PIK3C2A: variants seen among roughly 807,000 people sequenced by gnomAD.
PIK3C2A encodes the protein phosphatidylinositol 4-phosphate 3-kinase C2 domain-containing subunit alpha.
A neutral mutation model predicts 204.5 loss-of-function variants in PIK3C2A; 97 were observed. The ratio of observed to expected loss-of-function variants is 0.47; its 90% confidence interval spans 0.40 to 0.56. The LOEUF (loss-of-function observed/expected upper bound fraction) is 0.56. Among genes scored for constraint, PIK3C2A ranks in the 20% least tolerant of loss-of-function variants. The pLI is 0.00. For missense variants in PIK3C2A, 1,735 were observed against 1,969.2 expected (o/e 0.88, Z 2.25); for synonymous variants, 653 against 664.4 (o/e 0.98, Z 0.26).
At chr11:17,114,240 T>C in intron 20 of PIK3C2A, 121 bp downstream of exon 20, 1 of 556,454 alleles carries the variant, frequency 1.8e-6, no homozygotes, top group Non-Finnish European at 3.3e-6. Flanking sequence ...ATCACAACCA[T>C]CCATGCTTAT....
At chr11:17,148,910 A>G in intron 4 of PIK3C2A, 123 bp from the exon 5 acceptor site, 2 of 643,634 alleles carry the variant, frequency 3.1e-6, no homozygotes, top group Non-Finnish European at 4.7e-6. Flanking sequence ...TGTAGGCCAC[A>G]TATATAATTT....
intron 18 of PIK3C2A, among the ~76,000 whole-genome samples, chr11:17,118,343 G>T (rs749890137): frequency 3.9e-5 from 6 of 152,134 alleles, no homozygotes; most frequent in Non-Finnish European, 8.8e-5. Context: ...AAAGTGCTGG[G>T]ATTACAAGCA....
rs541641928 is a variant in PIK3C2A at position 17,150,624 on chromosome 11, G to A, written c.1201C>T (p.Arg401Cys). 9.3e-6 allele frequency: 15 copies of A among 1,605,338 alleles called. No individual in the cohort carries two copies. The highest frequency in any genetic ancestry group is 4.0e-5 in the African/African-American group (3 of 74,270). The change falls in exon 4 of 33, where the codon CGC becomes TGC. Residue 401 changes from arginine to cysteine, a missense_variant. Coordinates refer to ENST00000691414, the MANE Select transcript of PIK3C2A (RefSeq NM_002645.4). ...LKTKFPYTNH[R>C]TNPGYLLSPV... ...CTTAACAAATAGCCTGGGTTTGTGCGGTGATTGGTATATGGAAATTTGGTC... is the reference window on the plus strand; with the variant it reads ...CTTAACAAATAGCCTGGGTTTGTGCAGTGATTGGTATATGGAAATTTGGTC...
At chr11:17,205,907 G>A (rs898077925) in intron 1 of PIK3C2A, among the ~76,000 whole-genome samples, 1 of 152,192 alleles carries the variant, frequency 6.6e-6, no homozygotes, top group Non-Finnish European at 1.5e-5. Flanking sequence ...GATCACTTGA[G>A]GTCAGGAGTT....
intron 8 of PIK3C2A, chr11:17,138,395 A>G: frequency 2.7e-6 from 1 of 372,298 alleles, no homozygotes; most frequent in African/African-American, 2.1e-5. Flanking sequence ...CTGCACCCTC[A>G]TGCTATGTTC....
chr11:17,125,028 T>G (rs966406286), intron 13 of PIK3C2A, among the ~76,000 whole-genome samples: 10 of 152,208 alleles, frequency 6.6e-5, no homozygotes, highest in African/African-American at 2.4e-4. Flanking sequence ...TTCTATCAAA[T>G]TAAAAGGTAC....
chr11:17,088,756 A>G lies in PIK3C2A; in HGVS notation c.*982T>C, dbSNP rs975838896. 2.6e-5 allele frequency: 4 copies of G among 152,232 alleles called. No homozygotes were observed. The highest frequency in any genetic ancestry group is 5.9e-5 in the Non-Finnish European group (4 of 68,042). 9.4% of individuals were successfully genotyped at this position (152,232 alleles called of 1,614,324 possible). On this transcript the variant is annotated 3_prime_UTR_variant, in exon 33 of 33. Transcript: ENST00000691414. ...AATTCTTGTCATGGGCCTCTTGTGA[A>G]GAGTCTGCCCTACTCAGGAATGGGC...
chr11:17,142,641 C>A (rs570819286), intron 8 of PIK3C2A, among the ~76,000 whole-genome samples: 2 of 150,870 alleles, frequency 1.3e-5, no homozygotes, highest in African/African-American at 4.9e-5. Flanking sequence ...ACAGAGAAAT[C>A]TGCAGGGGGT....
intron 8 of PIK3C2A, among the ~76,000 whole-genome samples, chr11:17,144,095 C>G (rs553086098): frequency 6.6e-6 from 1 of 152,234 alleles, no homozygotes; most frequent in African/African-American, 2.4e-5. Flanking sequence ...AATCACATAG[C>G]TATCTCCAAT....
chr11:17,198,403 C>A (rs1179823155), intron 1 of PIK3C2A, among the ~76,000 whole-genome samples: 1 of 152,098 alleles, frequency 6.6e-6, no homozygotes. Flanking sequence ...AGCCACACTG[C>A]CAGGCCAACT....
At chr11:17,133,150 G>A (rs1849754283) in intron 11 of PIK3C2A, among the ~76,000 whole-genome samples, 1 of 151,974 alleles carries the variant, frequency 6.6e-6, no homozygotes. Context: ...ATTTATGTCA[G>A]CATTTTATTC....
At chr11:17,110,834 T>C (rs1775960231) in intron 21 of PIK3C2A, among the ~76,000 whole-genome samples, 1 of 152,210 alleles carries the variant, frequency 6.6e-6, no homozygotes, top group African/African-American at 2.4e-5. Flanking sequence ...CCTCTTCATA[T>C]CTCAGTTCCC....
intron 1 of PIK3C2A, among the ~76,000 whole-genome samples, chr11:17,178,092 CAAAAAAAAAAA>C (rs750346823): frequency 3.1e-5 from 2 of 64,136 alleles, no homozygotes; most frequent in African/African-American, 9.7e-5. Context: ...GACTCCATCT[CAAAAAAAAAAA>C]AAAAAAAAAG....
At chr11:17,194,782 G>A (rs1208096562) in intron 1 of PIK3C2A, among the ~76,000 whole-genome samples, 2 of 152,058 alleles carry the variant, frequency 1.3e-5, no homozygotes, top group Non-Finnish European at 2.9e-5. Flanking sequence ...GGTGGCACAT[G>A]CCTGTTATCC....
intron 8 of PIK3C2A, among the ~76,000 whole-genome samples, chr11:17,143,104 C>T (rs1169573505): frequency 6.6e-6 from 1 of 151,766 alleles, no homozygotes; most frequent in East Asian, 1.9e-4. Flanking sequence ...ATACGAAACT[C>T]CAGATTCTAG....
At chr11:17,132,390 C>T (rs906055785) in intron 11 of PIK3C2A, among the ~76,000 whole-genome samples, 2 of 141,382 alleles carry the variant, frequency 1.4e-5, no homozygotes, top group African/African-American at 2.7e-5. Flanking sequence ...ACTGCAGTGG[C>T]GCAATCTCGG....
intron 3 of PIK3C2A, among the ~76,000 whole-genome samples, chr11:17,154,982 T>C (rs1282705880): frequency 6.6e-6 from 1 of 152,246 alleles, no homozygotes; most frequent in African/African-American, 2.4e-5. Flanking sequence ...TTGGTTCTAC[T>C]ACTGATATTA....
rs1200334066 is a variant in PIK3C2A at position 17,119,971 on chromosome 11, A to G, written c.2661T>C (p.Leu887=). 1 of 1,435,694 alleles carries G rather than the reference A, an allele frequency of 7.0e-7. No homozygotes were observed. Among genetic ancestry groups the G allele is most frequent in the Non-Finnish European group, 9.7e-7 (1 of 1,029,436 alleles). The allele number at this position is 1,435,694 out of a possible 1,614,324, so 88.9% of individuals were successfully genotyped here. A position where few individuals can be genotyped will look rare whatever the true frequency, so the allele number is the denominator to read the frequency against. Residue 887 remains leucine (L), a synonymous_variant, in exon 16 of 33, where the codon CTT becomes CTC. Coordinates refer to ENST00000691414, the MANE Select transcript of PIK3C2A (RefSeq NM_002645.4). The part of the protein sequence containing the change: ...DILHKDSSLG[L]SKEDKAFLWE... Reference sequence around the variant, plus strand: ...ATAAAAAAGCTTTATCTTCTTTAGAAAGTCTGCATATATAATAGAATTAAA... The same window carrying G: ...ATAAAAAAGCTTTATCTTCTTTAGAGAGTCTGCATATATAATAGAATTAAA...
At chr11:17,200,866 G>C (rs1852346066) in intron 1 of PIK3C2A, among the ~76,000 whole-genome samples, 1 of 152,204 alleles carries the variant, frequency 6.6e-6, no homozygotes, top group Non-Finnish European at 1.5e-5. Flanking sequence ...AATACACACA[G>C]AATTCTAGCC....
Sources: allele counts gnomAD v4.1 joint callset (sites outside exome capture counted in the v4.1 genomes callset), GRCh38; gene constraint gnomAD v4.1.1; transcripts MANE v1.5; gene names NCBI Gene and HGNC (gene_info 2026-07-23, HGNC 2026-07-21).